DOT1L: variants seen among roughly 807,000 people sequenced by gnomAD.
DOT1L encodes the protein DOT1 like histone lysine methyltransferase.
Under a neutral mutation model 153.3 loss-of-function variants are expected in DOT1L, and 33 were observed. The observed-to-expected ratio is 0.22, with a 90% CI of 0.16 to 0.29. The LOEUF (loss-of-function observed/expected upper bound fraction) is 0.29, where lower values mean the gene tolerates loss of function less well. Among genes scored for constraint, DOT1L ranks in the 10% least tolerant of loss-of-function variants. DOT1L has a pLI of 1.00. For synonymous variants in DOT1L, 1,135 were observed against 965.1 expected (o/e 1.18, Z -3.26); for missense variants, 1,847 against 2,119.9 (o/e 0.87, Z 2.53).
intron 2 of DOT1L, 36 bp from the exon 3 acceptor site, chr19:2,185,819 A>G (rs2022478351): frequency 6.2e-7 from 1 of 1,608,272 alleles, no homozygotes. Context: ...AAAAAAAACC[A>G]AACCCTTCCT....
At chr19:2,221,214 T>C (rs73516521) in intron 23 of DOT1L, 30,174 of 153,168 alleles carry the variant, frequency 0.2, 3,538 homozygotes, top group African/African-American at 0.32. Context: ...AAAATGTACA[T>C]GGCCGCTATT....
intron 27 of DOT1L, chr19:2,228,457 A>G (rs2024461493): frequency 1.6e-6 from 2 of 1,217,880 alleles, no homozygotes; most frequent in South Asian, 3.0e-5. Context: ...AGACGGCCAC[A>G]GGGCTCGGCA....
chr19:2,218,581 G>A (rs2023993488), intron 22 of DOT1L, among the ~76,000 whole-genome samples: 1 of 151,788 alleles, frequency 6.6e-6, no homozygotes, highest in Non-Finnish European at 1.5e-5. Context: ...TTTTAGTAGA[G>A]ATGGGGTTTC....
rs1391527908 is a variant in DOT1L, at chr19:2,230,249, C to T, written c.*457C>T. On this transcript the variant is annotated 3_prime_UTR_variant, in exon 28 of 28. Transcript: ENST00000398665. ...CGCCGAACCCCGTTCTCGGAAACGC[C>T]GCCCGGCCGGCTCCCCCGACGCGCT... The T allele has an allele frequency of 7.2e-6, 3 of 415,476 alleles. No homozygotes were observed. The highest frequency in any genetic ancestry group is 4.2e-5 in the Admixed American group (1 of 24,026). 25.7% of individuals were successfully genotyped at this position (415,476 alleles called of 1,614,324 possible). A position where few individuals can be genotyped will look rare whatever the true frequency, so the allele number is the denominator to read the frequency against.
chr19:2,189,875 CG>C (rs1273726541), intron 4 of DOT1L, 80 bp downstream of exon 4: 4 of 1,487,042 alleles, frequency 2.7e-6, no homozygotes, highest in Non-Finnish European at 3.7e-6. Flanking sequence ...GTCACCGCCT[CG>C]GGGCACAGAG....
Position 2,226,443 on chromosome 19 carries a change from C to T in DOT1L, c.3922C>T (p.Pro1308Ser), listed in dbSNP as rs2024333270. The change falls in exon 27 of 28, where the codon CCG becomes TCG. Residue 1308 changes from proline to serine, a missense_variant. This residue lies in a region of DOT1L where 934 missense variants were observed against 825.3 expected (regional missense o/e 1.13). Transcript: ENST00000398665. ...GSLSGADGLS[P>S]GTNPANGCTF... ...CCTGTCGGGGGCTGACGGACTCAGC[C>T]CGGGCACCAACCCTGCCAACGGCTG... 6.2e-7 allele frequency: 1 copy of T among 1,601,638 alleles called. No homozygotes were observed. Among genetic ancestry groups the T allele is most frequent in the Non-Finnish European group, 8.5e-7 (1 of 1,179,276 alleles).
chr19:2,206,896 G>A, intron 10 of DOT1L, 99 bp downstream of exon 10: 1 of 1,259,740 alleles, frequency 7.9e-7, no homozygotes, highest in East Asian at 2.5e-5. Flanking sequence ...GTGGACACTG[G>A]GGCTGGATCC....
rs371037418 is a variant in DOT1L at position 2,194,595 on chromosome 19, G to A, written c.651+18G>A. The stretch of plus-strand genomic sequence containing the variant: ...AATACACAGTGAGTGCCATCGCTCC[G>A]CCCCGGCTCCCATCGCCGGCCCCAC... On this transcript the variant is annotated intron_variant, in intron 7 of 27. Transcript: ENST00000398665. 81 of 1,607,522 alleles carry A rather than the reference G, an allele frequency of 5.0e-5. 1 individual carries two copies. The highest frequency in any genetic ancestry group is 1.9e-4 in the African/African-American group (14 of 74,762).
chr19:2,212,812 C>T (rs936657930), intron 16 of DOT1L: 1 of 152,290 alleles, frequency 6.6e-6, no homozygotes, highest in Non-Finnish European at 1.5e-5. Flanking sequence ...ATTTCCTTCA[C>T]CTGAGGTCCC....
chr19:2,198,175 T>A (rs1018456261), intron 7 of DOT1L, among the ~76,000 whole-genome samples: 2 of 152,218 alleles, frequency 1.3e-5, no homozygotes, highest in Admixed American at 1.3e-4. Flanking sequence ...AGGCCTGTGA[T>A]GCGAGCCCGG....
chr19:2,184,221 C>G (rs1381367025), intron 2 of DOT1L, among the ~76,000 whole-genome samples: 1 of 152,164 alleles, frequency 6.6e-6, no homozygotes, highest in East Asian at 1.9e-4. Context: ...CGGGGCCTCG[C>G]TCGGTGCCTG....
chr19:2,213,681 G>A (rs1358565629), intron 17 of DOT1L, 41 bp downstream of exon 17: 1 of 1,610,706 alleles, frequency 6.2e-7, no homozygotes, highest in Non-Finnish European at 8.5e-7. Context: ...GGCAGCTGGG[G>A]CGCAGGCTGG....
Position 2,193,726 on chromosome 19 carries a change from C to A in DOT1L, c.531C>A (p.Thr177=), listed in dbSNP as rs1350891157. The change falls in exon 6 of 28, where the codon ACC becomes ACA. Residue 177 remains threonine (T), a synonymous_variant. Coordinates refer to ENST00000398665, the MANE Select transcript of DOT1L (RefSeq NM_032482.3). The surrounding 1 kb of genome is among the most constrained non-coding windows in gnomAD (Gnocchi z 5.9). ...GQVVLQVAAA[T]NCKHHYGVEK... ...TCGTGCTCCAGGTTGCTGCTGCCAC[C>A]AACTGCAAACATCACTATGGCGTCG... 1.2e-6 allele frequency: 2 copies of A among 1,614,058 alleles called. No homozygotes were observed. Among genetic ancestry groups the A allele is most frequent in the Non-Finnish European group, 1.7e-6 (2 of 1,180,012 alleles).
intron 15 of DOT1L, 32 bp from the exon 16 acceptor site, chr19:2,211,719 T>C: frequency 6.5e-7 from 1 of 1,535,576 alleles, no homozygotes; most frequent in Non-Finnish European, 8.8e-7. Flanking sequence ...TCAGCTGCTC[T>C]CTTCTCACCT....
intron 16 of DOT1L, 52 bp downstream of exon 16, chr19:2,211,894 TC>T (rs1179149389): frequency 8.7e-6 from 13 of 1,499,914 alleles, no homozygotes; most frequent in Admixed American, 2.0e-5. Flanking sequence ...GGCAGTTCGT[TC>T]CTGTTCCTGG....
chr19:2,228,731 G>A lies in DOT1L; in HGVS notation c.4607-1054G>A, dbSNP rs1052890248. ...CTCTAGCTCCTAGAGCAGTCTCCAG[G>A]GCTCCATCCGCACCAGGCCCAGGTC... On this transcript the variant is annotated intron_variant, in intron 27 of 27. Transcript: ENST00000398665. The A allele has an allele frequency of 7.1e-6, 7 of 985,270 alleles. No individual in the cohort carries two copies. In the Admixed American group the frequency reaches 3.7e-4, roughly 52 times the overall value. The allele number at this position is 985,270 out of a possible 1,614,324, so 61.0% of individuals were successfully genotyped here.
Position 2,190,889 on chromosome 19 carries a change from C to A in DOT1L, c.265-123C>A. On this transcript the variant is annotated intron_variant, in intron 4 of 27. Coordinates refer to ENST00000398665, the MANE Select transcript of DOT1L (RefSeq NM_032482.3). The surrounding 1 kb of genome is among the most constrained non-coding windows in gnomAD (Gnocchi z 4.8). ...ACCTGGGAGCCCGGCAGCCACCCTG[C>A]AGGGGGACGAGAGGCCATGCAGCCG... 3 of 903,690 alleles carry A rather than the reference C, an allele frequency of 3.3e-6. No individual in the cohort carries two copies. The highest frequency in any genetic ancestry group is 5.0e-6 in the Non-Finnish European group (3 of 597,324). 56.0% of individuals were successfully genotyped at this position (903,690 alleles called of 1,614,324 possible).
intron 19 of DOT1L, 133 bp downstream of exon 19, chr19:2,214,729 G>A: frequency 7.4e-7 from 1 of 1,359,022 alleles, no homozygotes; most frequent in Non-Finnish European, 9.8e-7. Flanking sequence ...GTTGGGTGGA[G>A]GCTTATGGAA....
At chr19:2,187,921 C>A (rs377311501) in intron 3 of DOT1L, among the ~76,000 whole-genome samples, 979 of 31,086 alleles carry the variant, frequency 0.031, 14 homozygotes, top group African/African-American at 0.1. Context: ...GACTCCATCT[C>A]AGAAAAAAAA....
Sources: gnomAD v4.1 joint callset for allele counts (sites outside exome capture counted in the v4.1 genomes callset) on GRCh38, gnomAD v4.1.1 for gene constraint, gnomAD v4.1.1 regional missense constraint, Gnocchi (gnomAD v3.1) non-coding constraint, MANE v1.5 for transcripts, NCBI Gene and HGNC (gene_info 2026-07-23, HGNC 2026-07-21) for gene names.